FBXO9: variants seen among roughly 807,000 people sequenced by gnomAD.
FBXO9 encodes the protein F-box protein 9, also known as F-box only protein 9.
A neutral mutation model predicts 63.7 loss-of-function variants in FBXO9; 43 were observed. The ratio of observed to expected loss-of-function variants is 0.67; its 90% CI spans 0.53 to 0.87. FBXO9 has a LOEUF of 0.87. Ranked by LOEUF, FBXO9 falls within the 40% of genes least tolerant of loss-of-function variation. The probability of loss-of-function intolerance (pLI) is 0.00; values close to 1 mark genes in which losing one functional copy is unlikely to be tolerated. For synonymous variants in FBXO9, 156 were observed against 171.7 expected (o/e 0.91, Z 0.72); for missense variants, 442 against 533.2 (o/e 0.83, Z 1.68).
intron 7 of FBXO9, chr6:53,092,051 C>G (rs1240199428): frequency 1.1e-5 from 2 of 188,364 alleles, no homozygotes; most frequent in Middle Eastern, 2.5e-3. Flanking sequence ...GATGAGCCCA[C>G]CAGTCACACT....
chr6:53,066,198 A>G, intron 1 of FBXO9: 3 of 981,560 alleles, frequency 3.1e-6, no homozygotes, highest in Non-Finnish European at 3.7e-6. Context: ...TGGCAAGAGG[A>G]GACACTTGTT....
chr6:53,069,600 AAG>A (rs1342557551), intron 1 of FBXO9, among the ~76,000 whole-genome samples: 1 of 152,244 alleles, frequency 6.6e-6, no homozygotes, highest in East Asian at 1.9e-4. Context: ...AAATAAGAGT[AAG>A]AGGTCAAAGG....
At chr6:53,095,238 A>AT (rs947055032) in intron 11 of FBXO9, among the ~76,000 whole-genome samples, 1 of 152,188 alleles carries the variant, frequency 6.6e-6, no homozygotes, top group Non-Finnish European at 1.5e-5. Context: ...CTGGATCTTC[A>AT]TTTTTTAAGC....
At chr6:53,087,133 G>A (rs533583373) in intron 7 of FBXO9, among the ~76,000 whole-genome samples, 1 of 152,146 alleles carries the variant, frequency 6.6e-6, no homozygotes, top group African/African-American at 2.4e-5. Context: ...GTTGGACCCA[G>A]GAGTTCGAGA....
At chr6:53,090,651 C>T (rs1485918241) in intron 7 of FBXO9, among the ~76,000 whole-genome samples, 2 of 152,054 alleles carry the variant, frequency 1.3e-5, no homozygotes, top group East Asian at 1.9e-4. Flanking sequence ...AATCTGACAC[C>T]GATCTAAATA....
rs763134974 is a variant in FBXO9 at position 53,081,028 on chromosome 6, A to G, written c.468A>G (p.Gln156=). The change falls in exon 6 of 13, where the codon CAA becomes CAG. Residue 156 remains glutamine, a synonymous_variant. Transcript: ENST00000323557. ...ATCTCTTGTCCTACTTCCAGCAGCA[A>G]CTCACATTTCAGGAGTCTGTGCTTA... ...MADLLSYFQQ[Q]LTFQESVLKL... 21 of 1,613,642 alleles carry G rather than the reference A, an allele frequency of 1.3e-5. No homozygotes were observed. Among genetic ancestry groups the G allele is most frequent in the Non-Finnish European group, 1.7e-5 (20 of 1,179,866 alleles).
chr6:53,071,304 C>T (rs1305749313), intron 2 of FBXO9, among the ~76,000 whole-genome samples, 161 bp downstream of exon 2: 1 of 152,160 alleles, frequency 6.6e-6, no homozygotes, highest in African/African-American at 2.4e-5. Context: ...TTATGGCTTT[C>T]TTTGTGAAAA....
At chr6:53,089,049 C>T (rs964398663) in intron 7 of FBXO9, among the ~76,000 whole-genome samples, 1 of 150,744 alleles carries the variant, frequency 6.6e-6, no homozygotes, top group African/African-American at 2.4e-5. Context: ...GCCTCTGTAG[C>T]CCTAGTGGGG....
chr6:53,093,275 A>G (rs772196142), intron 9 of FBXO9, 191 bp from the exon 10 acceptor site: 1 of 474,770 alleles, frequency 2.1e-6, no homozygotes, highest in Non-Finnish European at 3.7e-6. Context: ...AAGATAAAAT[A>G]TCTTTGGTTC....
Position 53,065,764 on chromosome 6 carries a change from C to G in FBXO9, c.-26C>G. 1.4e-6 allele frequency: 2 copies of G among 1,403,004 alleles called. No homozygotes were observed. Among genetic ancestry groups the G allele is most frequent in the South Asian group, 3.0e-5 (2 of 67,622 alleles). The allele number at this position is 1,403,004 out of a possible 1,614,324, so 86.9% of individuals were successfully genotyped here. A position where few individuals can be genotyped will look rare whatever the true frequency, so the allele number is the denominator to read the frequency against. ...TGCAGAGGGGGCACGGAGAGCCCCT[C>G]GAGCGCAGCAGGCCGCCCCGCCAGC... On this transcript the variant is annotated 5_prime_UTR_variant, in exon 1 of 13. Transcript: ENST00000323557.
At chr6:53,093,642 C>G (rs1026539200) in intron 10 of FBXO9, 81 bp downstream of exon 10, 5 of 1,049,496 alleles carry the variant, frequency 4.8e-6, no homozygotes, top group Non-Finnish European at 7.1e-6. Flanking sequence ...TCCAGTGCTT[C>G]TTTCACTTAA....
intron 4 of FBXO9, among the ~76,000 whole-genome samples, chr6:53,078,234 G>A (rs138635827): frequency 8.5e-5 from 13 of 152,196 alleles, no homozygotes; most frequent in Non-Finnish European, 1.6e-4. Context: ...CGGGAGGATC[G>A]CTTGAACCCA....
At position 53,100,612 on chromosome 6, in the gene FBXO9, A is replaced by G. The variant is rs920143115; in HGVS notation, c.*2782A>G. On this transcript the variant is annotated 3_prime_UTR_variant, in exon 13 of 13. Coordinates refer to ENST00000323557, the MANE Select transcript of FBXO9 (RefSeq NM_033480.3). Reference sequence around the variant, plus strand: ...CCCCAGGGGAAAGCATTAGCCTTGAATCCTCAATCCCAGGCCCTCTACTAA... The same window carrying G: ...CCCCAGGGGAAAGCATTAGCCTTGAGTCCTCAATCCCAGGCCCTCTACTAA... 1 of 152,014 alleles carries G rather than the reference A, an allele frequency of 6.6e-6. No homozygotes were observed. Among genetic ancestry groups the G allele is most frequent in the African/African-American group, 2.4e-5 (1 of 41,412 alleles). 9.4% of individuals were successfully genotyped at this position (152,014 alleles called of 1,614,324 possible).
chr6:53,095,101 T>C (rs1210402153), intron 11 of FBXO9, among the ~76,000 whole-genome samples: 1 of 152,196 alleles, frequency 6.6e-6, no homozygotes, highest in Non-Finnish European at 1.5e-5. Flanking sequence ...CTTCACCAAT[T>C]TATCACTTTC....
intron 3 of FBXO9, among the ~76,000 whole-genome samples, chr6:53,075,586 T>C (rs1331698009): frequency 6.6e-6 from 1 of 150,910 alleles, no homozygotes; most frequent in Non-Finnish European, 1.5e-5. Flanking sequence ...TATGTAGTGG[T>C]ATCTCATTGT....
chr6:53,081,019 C>A lies in FBXO9; in HGVS notation c.459C>A (p.Phe153Leu). The A allele has an allele frequency of 1.2e-6, 2 of 1,613,678 alleles. No homozygotes were observed. The highest frequency in any genetic ancestry group is 1.7e-6 in the Non-Finnish European group (2 of 1,179,848). ...DSKMADLLSY[F>L]QQQLTFQESV... ...AAATGGCAGATCTCTTGTCCTACTT[C>A]CAGCAGCAACTCACATTTCAGGAGT... The change falls in exon 6 of 13, where the codon TTC (phenylalanine) becomes TTA (leucine). Residue 153 changes from phenylalanine to leucine, a missense_variant. Transcript: ENST00000323557.
intron 1 of FBXO9, among the ~76,000 whole-genome samples, chr6:53,067,452 TCTGA>T (rs935085228): frequency 4.9e-4 from 75 of 152,262 alleles, no homozygotes; most frequent in African/African-American, 1.7e-3. Context: ...GAAAAATGCT[TCTGA>T]CTAAGATGAA....
At chr6:53,069,035 C>T (rs948783454) in intron 1 of FBXO9, among the ~76,000 whole-genome samples, 2 of 152,206 alleles carry the variant, frequency 1.3e-5, no homozygotes, top group Admixed American at 1.3e-4. Context: ...GTCTCAGCTA[C>T]TCAAGAGGTG....
At chr6:53,092,979 T>A (rs923659235) in intron 9 of FBXO9, 155 bp downstream of exon 9, 11 of 447,424 alleles carry the variant, frequency 2.5e-5, no homozygotes, top group Admixed American at 1.2e-4. Context: ...AAAAAAAAAA[T>A]AGGCTAATAT....
Sources: allele counts gnomAD v4.1 joint callset (sites outside exome capture counted in the v4.1 genomes callset), GRCh38; gene constraint gnomAD v4.1.1; transcripts MANE v1.5; gene names NCBI Gene and HGNC (gene_info 2026-07-23, HGNC 2026-07-21).